The following DMXL1 variants were observed in gnomAD, a reference collection of about 807,000 sequenced individuals.
DMXL1 encodes Dmx like 1.
DMXL1 carries 99 observed loss-of-function variants against 319.2 expected under a neutral mutation model. The observed-to-expected ratio is 0.31, with a 90% CI of 0.26 to 0.37. The LOEUF is 0.37. Ranked by LOEUF, DMXL1 falls within the 10% of genes least tolerant of loss-of-function variation. DMXL1 has a pLI of 1.00. For synonymous variants in DMXL1, 1,385 were observed against 1,235.2 expected, an observed-to-expected ratio of 1.12 and a Z score of -2.54; for missense variants, 3,745 against 3,595.6, an observed-to-expected ratio of 1.04 and a Z score of -1.06.
intron 34 of DMXL1, among the ~76,000 whole-genome samples, chr5:119,209,629 T>A (rs182517815): frequency 6.6e-6 from 1 of 152,304 alleles, no homozygotes; most frequent in African/African-American, 2.4e-5. Flanking sequence ...ATTACAGGTG[T>A]GACCCACCAT....
intron 39 of DMXL1, among the ~76,000 whole-genome samples, chr5:119,234,020 TC>T (rs1304098000): frequency 6.6e-6 from 1 of 152,144 alleles, no homozygotes; most frequent in Admixed American, 6.6e-5. Context: ...TTTGGCTACT[TC>T]CTACTACAGC....
chr5:119,148,880 A>G lies in DMXL1; in HGVS notation c.3053A>G (p.Asp1018Gly), dbSNP rs896793217. The G allele has an allele frequency of 1.2e-6, 2 of 1,613,854 alleles. No individual in the cohort carries two copies. Among genetic ancestry groups the G allele is most frequent in the Non-Finnish European group, 1.7e-6 (2 of 1,179,808 alleles). The change falls in exon 18 of 44, where the codon GAT (aspartate) becomes GGT (glycine). Residue 1018 changes from aspartate (D) to glycine (G), a missense_variant. Coordinates refer to ENST00000539542, the MANE Select transcript of DMXL1 (RefSeq NM_001290321.3). The part of the protein sequence containing the change: ...ESATSKNGKI[D>G]LAYIWEEWPL... ...GCCACGTCAAAGAATGGAAAAATTGATCTTGCATACATTTGGGAAGAATGG... is the reference window on the plus strand; with the variant it reads ...GCCACGTCAAAGAATGGAAAAATTGGTCTTGCATACATTTGGGAAGAATGG...
intron 1 of DMXL1, among the ~76,000 whole-genome samples, chr5:119,095,289 C>G (rs923053357): frequency 2.0e-5 from 3 of 152,162 alleles, no homozygotes; most frequent in Non-Finnish European, 4.4e-5. Flanking sequence ...AAGGGTAATT[C>G]AGAACTAGAT....
intron 13 of DMXL1, among the ~76,000 whole-genome samples, chr5:119,142,107 C>G (rs1242044160): frequency 1.3e-5 from 2 of 151,968 alleles, no homozygotes; most frequent in African/African-American, 4.8e-5. Flanking sequence ...ATACAGAAAT[C>G]AACTCAAAAT....
chr5:119,188,331 G>A (rs759599664), intron 28 of DMXL1, among the ~76,000 whole-genome samples: 10 of 152,096 alleles, frequency 6.6e-5, no homozygotes, highest in Non-Finnish European at 1.0e-4. Context: ...CTACTCAGGC[G>A]TCTGAGGTGT....
chr5:119,142,619 G>T (rs1181962928), intron 13 of DMXL1, among the ~76,000 whole-genome samples: 2 of 151,286 alleles, frequency 1.3e-5, no homozygotes, highest in Non-Finnish European at 2.9e-5. Context: ...GTTGTGGAAA[G>T]CAGTACTGTG....
At chr5:119,168,940 C>T (rs147795896) in intron 23 of DMXL1, among the ~76,000 whole-genome samples, 136 of 152,110 alleles carry the variant, frequency 8.9e-4, no homozygotes, top group African/African-American at 3.2e-3. Context: ...GTCTCACTCT[C>T]ACCCAGGCTG....
At position 119,242,815 on chromosome 5, in the gene DMXL1, T is replaced by TA. The variant is rs754910041; in HGVS notation, c.8705-1543dup. On this transcript the variant is annotated intron_variant, in intron 42 of 43. Coordinates refer to ENST00000539542, the MANE Select transcript of DMXL1 (RefSeq NM_001290321.3). The stretch of plus-strand genomic sequence containing the variant: ...AATAGACTCACATATATAGTAGACT[T>TA]ATGTTTAATATGTCACAGAGGCAAT... Among the ~76,000 whole-genome samples the TA allele has an allele frequency of 2.6e-5, 4 of 152,316 alleles. No homozygotes were observed. The South Asian group carries it at 8.3e-4, about 32-fold the overall frequency.
At chr5:119,213,668 G>C (rs562390814) in intron 34 of DMXL1, among the ~76,000 whole-genome samples, 61 of 152,138 alleles carry the variant, frequency 4.0e-4, no homozygotes, top group African/African-American at 1.5e-3. Flanking sequence ...CAATTCAGTT[G>C]AATGTCTCTG....
In DMXL1 at chr5:119,233,387, C is replaced by T. The variant is rs1191141041; in HGVS notation, c.8386C>T (p.His2796Tyr). 6.2e-7 allele frequency: 1 copy of T among 1,613,032 alleles called. No homozygotes were observed. Among genetic ancestry groups the T allele is most frequent in the Non-Finnish European group, 8.5e-7 (1 of 1,179,316 alleles). The change falls in exon 39 of 44, where the codon CAT becomes TAT. Residue 2796 changes from histidine (H) to tyrosine (Y), a missense_variant. His to Tyr is a moderately conservative substitution (Grantham distance 83, BLOSUM62 2). Transcript: ENST00000539542. ...DGSVRMFEWG[H>Y]SQQITCFRSG... Reference sequence around the variant, plus strand: ...AAGTGTCAGAATGTTTGAATGGGGCCATTCTCAACAAATAACCTGTTTTCG... The same window carrying T: ...AAGTGTCAGAATGTTTGAATGGGGCTATTCTCAACAAATAACCTGTTTTCG...
In DMXL1 at chr5:119,197,858, A is replaced by G. The variant is rs1384476190; in HGVS notation, c.7647A>G (p.Gln2549=). ...TTGAAATCCATGGTGGGCCACCTCA[A>G]AATTATATCGCAAGTCATACCGCCG... ...RRLEIHGGPP[Q]NYIASHTAEE... Residue 2549 remains glutamine, a synonymous_variant, in exon 32 of 44, where the codon CAA becomes CAG. Coordinates refer to ENST00000539542, the MANE Select transcript of DMXL1 (RefSeq NM_001290321.3). 8 of 1,614,186 alleles carry G rather than the reference A, an allele frequency of 5.0e-6. No homozygotes were observed. The South Asian group carries it at 7.7e-5, about 16-fold the overall frequency.
rs1028140223 is a variant in DMXL1 at position 119,071,390 on chromosome 5, C to T, written c.-180C>T. On this transcript the variant is annotated 5_prime_UTR_variant, in exon 1 of 44. Transcript: ENST00000539542. ...ACCCGCCCCCTCCGGGCCTCGCCCT[C>T]CGGGGCTCGGGATGAGTCGCGGGCC... The T allele has an allele frequency of 4.8e-5, 29 of 598,100 alleles. No individual in the cohort carries two copies. The Middle Eastern group carries it at 1.8e-3, about 37-fold the overall frequency. The allele number at this position is 598,100 out of a possible 1,614,324, so 37.0% of individuals were successfully genotyped here.
chr5:119,197,621 T>A, intron 31 of DMXL1, 134 bp from the exon 32 acceptor site: 1 of 795,506 alleles, frequency 1.3e-6, no homozygotes, highest in Admixed American at 2.7e-5. Context: ...CCTGCCAAAG[T>A]GTATGTTAAT....
chr5:119,178,382 A>G, intron 28 of DMXL1, 138 bp downstream of exon 28: 1 of 1,018,968 alleles, frequency 9.8e-7, no homozygotes, highest in Non-Finnish European at 1.4e-6. Flanking sequence ...AAATAGTCAT[A>G]CAGTGAAAAT....
Position 119,178,044 on chromosome 5 carries a change from A to G in DMXL1, c.6935A>G (p.Gln2312Arg), listed in dbSNP as rs1776137963. 2 of 1,612,286 alleles carry G rather than the reference A, an allele frequency of 1.2e-6. No homozygotes were observed. Among genetic ancestry groups the G allele is most frequent in the Non-Finnish European group, 1.7e-6 (2 of 1,178,794 alleles). ...TTGAATTCTTCTGGCGAGGAAGCCC[A>G]GTCAGGGCTTACAGTCTTGCTCTGT... ...RLLNSSGEEA[Q>R]SGLTVLLCEI... Residue 2312 changes from glutamine to arginine, a missense_variant, in exon 28 of 44, where the codon CAG becomes CGG. This residue lies in a region of DMXL1 where 1,382 missense variants were observed against 1,269.5 expected (regional missense o/e 1.09). Coordinates refer to ENST00000539542, the MANE Select transcript of DMXL1 (RefSeq NM_001290321.3).
intron 36 of DMXL1, 86 bp from the exon 37 acceptor site, chr5:119,220,854 A>C: frequency 1.4e-6 from 2 of 1,471,566 alleles, no homozygotes; most frequent in South Asian, 2.7e-5. Context: ...TTTAAAGGGA[A>C]CTATAAATTC....
chr5:119,095,730 A>G (rs1192517817), intron 1 of DMXL1, among the ~76,000 whole-genome samples: 3 of 152,224 alleles, frequency 2.0e-5, no homozygotes, highest in Non-Finnish European at 4.4e-5. Flanking sequence ...TATTTGAAAG[A>G]CAACTTCTCT....
chr5:119,114,549 G>T lies in DMXL1; in HGVS notation c.564+8G>T, dbSNP rs1760392390. ...TTTGCCACTGCTGGGAAGGTAAATT[G>T]TGAAAATGCTATTGCCAAATTATGT... On this transcript the variant is annotated splice_region_variant and intron_variant, in intron 6 of 43. Coordinates refer to ENST00000539542, the MANE Select transcript of DMXL1 (RefSeq NM_001290321.3). The T allele has an allele frequency of 1.3e-6, 2 of 1,593,692 alleles. No homozygotes were observed. The highest frequency in any genetic ancestry group is 1.7e-6 in the Non-Finnish European group (2 of 1,169,246).
intron 1 of DMXL1, among the ~76,000 whole-genome samples, chr5:119,093,600 C>T (rs116554310): frequency 7.9e-4 from 121 of 152,220 alleles, no homozygotes; most frequent in Middle Eastern, 3.4e-3. Context: ...TTTAAGTGTT[C>T]AGAAAGGAAG....
Sources: allele counts gnomAD v4.1 joint callset (sites outside exome capture counted in the v4.1 genomes callset), GRCh38; gene constraint gnomAD v4.1.1; regional missense constraint gnomAD v4.1.1; transcripts MANE v1.5; gene names NCBI Gene and HGNC (gene_info 2026-07-23, HGNC 2026-07-21).